The following ARHGAP12 variants were observed in gnomAD, a reference collection of about 807,000 sequenced individuals.
ARHGAP12 encodes Rho GTPase activating protein 12.
In ARHGAP12, 64 loss-of-function variants were observed where a neutral mutation model predicts 108.6. The ratio of observed to expected loss-of-function variants is 0.59; its 90% confidence interval spans 0.48 to 0.73. ARHGAP12 has a LOEUF of 0.73. ARHGAP12 is among the 30% of genes least tolerant of loss of function. The pLI, the probability that ARHGAP12 is intolerant of heterozygous loss-of-function variation, is 0.00. For synonymous variants in ARHGAP12, 312 were observed against 337.2 expected (o/e 0.93, Z 0.82); for missense variants, 940 against 1,005.9 (o/e 0.93, Z 0.89).
intron 1 of ARHGAP12, among the ~76,000 whole-genome samples, chr10:31,916,989 C>T (rs915208833): frequency 3.9e-5 from 6 of 152,150 alleles, no homozygotes; most frequent in South Asian, 2.1e-4. Context: ...TTTAGCAATG[C>T]TAATATTGTG....
At position 31,910,549 on chromosome 10, in the gene ARHGAP12, G is replaced by T. The variant is rs1203603910; in HGVS notation, c.-96C>A. Reference sequence around the variant, plus strand: ...CCTTAGAACAAGGAGATCTACACCAGTATCACATTTAAACCTGTAAAAAAA... The same window carrying T: ...CCTTAGAACAAGGAGATCTACACCATTATCACATTTAAACCTGTAAAAAAA... On this transcript the variant is annotated 5_prime_UTR_variant, in exon 2 of 20. It adds an upstream start codon to the 5' untranslated region. Coordinates refer to ENST00000344936, the MANE Select transcript of ARHGAP12 (RefSeq NM_018287.7). 3.3e-5 allele frequency: 5 copies of T among 152,224 alleles called. No individual in the cohort carries two copies. The highest frequency in any genetic ancestry group is 7.3e-5 in the Non-Finnish European group (5 of 68,044). 9.4% of individuals were successfully genotyped at this position (152,224 alleles called of 1,614,324 possible).
rs893402905 is a variant in ARHGAP12 at position 31,805,890 on chromosome 10, A to G, written c.*1768T>C. On this transcript the variant is annotated 3_prime_UTR_variant, in exon 20 of 20. Transcript: ENST00000344936. ...ATTTAGGGCTTTTTCTCCCCACCCG[A>G]AACAATCTGCTTTAGCTATCAAGTA... 7 of 152,174 alleles carry G rather than the reference A, an allele frequency of 4.6e-5. No homozygotes were observed. Among genetic ancestry groups the G allele is most frequent in the African/African-American group, 1.7e-4 (7 of 41,442 alleles). The allele number at this position is 152,174 out of a possible 1,614,324, so 9.4% of individuals were successfully genotyped here.
intron 1 of ARHGAP12, among the ~76,000 whole-genome samples, chr10:31,918,949 G>C (rs1037934280): frequency 5.3e-5 from 8 of 152,146 alleles, no homozygotes; most frequent in African/African-American, 1.9e-4. Context: ...GTTCACAGCA[G>C]CATTAATCAC....
In ARHGAP12 at chr10:31,908,603, C is replaced by T. The variant is rs957099904; in HGVS notation, c.253G>A (p.Ala85Thr). The T allele has an allele frequency of 6.2e-7, 1 of 1,614,110 alleles. No individual in the cohort carries two copies. The highest frequency in any genetic ancestry group is 8.5e-7 in the Non-Finnish European group (1 of 1,180,048). The change falls in exon 3 of 20, where the codon GCT becomes ACT. Residue 85 changes from alanine (A) to threonine (T), a missense_variant. Physicochemically the swap from Ala to Thr is moderately conservative, Grantham distance 58. Coordinates refer to ENST00000344936, the MANE Select transcript of ARHGAP12 (RefSeq NM_018287.7). ...TTCGTGGAGTTATTTGGCAGACCAG[C>T]TACCTGCTTAACAGGTGGCATGAGA... ...KALMPPVKQV[A>T]GLPNNSTKIM...
At chr10:31,816,872 A>AATATT (rs1191467032) in intron 13 of ARHGAP12, among the ~76,000 whole-genome samples, 8 of 152,248 alleles carry the variant, frequency 5.3e-5, no homozygotes, top group African/African-American at 1.9e-4. Flanking sequence ...AATATCATGC[A>AATATT]ATATTACAAA....
chr10:31,872,427 G>A (rs1194764480), intron 3 of ARHGAP12, among the ~76,000 whole-genome samples: 6 of 152,042 alleles, frequency 3.9e-5, no homozygotes, highest in Non-Finnish European at 5.9e-5. Context: ...CCCTATAGGA[G>A]TCACTAATTC....
At chr10:31,862,607 C>T (rs964263463) in intron 3 of ARHGAP12, among the ~76,000 whole-genome samples, 101 of 152,144 alleles carry the variant, frequency 6.6e-4, no homozygotes, top group African/African-American at 2.2e-3. Flanking sequence ...TTTTGAGACA[C>T]AAAGTTATTT....
chr10:31,911,266 C>T (rs1486002933), intron 1 of ARHGAP12, among the ~76,000 whole-genome samples: 11 of 152,122 alleles, frequency 7.2e-5, no homozygotes, highest in African/African-American at 2.4e-4. Context: ...TCAGGTGATC[C>T]GCCTGCCTCA....
chr10:31,879,328 C>A (rs1837850491), intron 3 of ARHGAP12, among the ~76,000 whole-genome samples: 1 of 152,108 alleles, frequency 6.6e-6, no homozygotes, highest in African/African-American at 2.4e-5. Context: ...TGGAGGATTG[C>A]TTGTGCCTGG....
intron 2 of ARHGAP12, among the ~76,000 whole-genome samples, chr10:31,909,414 C>T (rs1221211103): frequency 1.3e-5 from 2 of 152,182 alleles, no homozygotes; most frequent in African/African-American, 2.4e-5. Flanking sequence ...CACATCACTA[C>T]AGCATGAGCC....
At chr10:31,911,850 A>G (rs1207984714) in intron 1 of ARHGAP12, among the ~76,000 whole-genome samples, 1 of 152,226 alleles carries the variant, frequency 6.6e-6, no homozygotes, top group African/African-American at 2.4e-5. Flanking sequence ...TCTATTAGAC[A>G]ACAGACCTGA....
chr10:31,828,675 T>C (rs1448751207), intron 10 of ARHGAP12, among the ~76,000 whole-genome samples: 2 of 152,154 alleles, frequency 1.3e-5, no homozygotes. Flanking sequence ...CGTGACTTAG[T>C]TGCAAGGTGA....
intron 6 of ARHGAP12, among the ~76,000 whole-genome samples, chr10:31,848,960 A>G (rs1836568063): frequency 6.6e-6 from 1 of 152,078 alleles, no homozygotes; most frequent in South Asian, 2.1e-4. Context: ...AATCCCAGGT[A>G]CGTAGGAGAA....
intron 1 of ARHGAP12, among the ~76,000 whole-genome samples, chr10:31,912,500 A>G (rs540736624): frequency 2.6e-5 from 4 of 152,294 alleles, no homozygotes; most frequent in East Asian, 3.9e-4. Context: ...GACTACAAAG[A>G]TAAGTATGAA....
intron 10 of ARHGAP12, among the ~76,000 whole-genome samples, chr10:31,827,227 A>G (rs1835649110): frequency 6.6e-6 from 1 of 152,190 alleles, no homozygotes; most frequent in Non-Finnish European, 1.5e-5. Context: ...CCCTTATCAT[A>G]TTAGAGATTT....
intron 3 of ARHGAP12, among the ~76,000 whole-genome samples, chr10:31,862,186 G>A (rs190795371): frequency 6.6e-6 from 1 of 152,182 alleles, no homozygotes; most frequent in African/African-American, 2.4e-5. Context: ...GAACATAAGT[G>A]AAACATAAAA....
intron 9 of ARHGAP12, among the ~76,000 whole-genome samples, chr10:31,837,253 T>C (rs1342496045): frequency 1.3e-5 from 2 of 152,236 alleles, no homozygotes; most frequent in Non-Finnish European, 2.9e-5. Flanking sequence ...ATGGACAGAT[T>C]AAGAGTACTG....
At chr10:31,849,653 T>C (rs566248093) in intron 6 of ARHGAP12, among the ~76,000 whole-genome samples, 3 of 152,218 alleles carry the variant, frequency 2.0e-5, no homozygotes, top group Non-Finnish European at 4.4e-5. Flanking sequence ...TTCCACTGTA[T>C]TTAATTCAAA....
At chr10:31,880,486 TTTTG>T (rs1174953103) in intron 3 of ARHGAP12, among the ~76,000 whole-genome samples, 1 of 145,960 alleles carries the variant, frequency 6.9e-6, no homozygotes, top group Non-Finnish European at 1.5e-5. Flanking sequence ...AAAAAAACAC[TTTTG>T]TTTAATTTAA....
Sources: allele counts gnomAD v4.1 joint callset (sites outside exome capture counted in the v4.1 genomes callset), GRCh38; gene constraint gnomAD v4.1.1; transcripts MANE v1.5; gene names NCBI Gene and HGNC (gene_info 2026-07-23, HGNC 2026-07-21).